The following LMX1A variants were observed in gnomAD, a reference collection of about 807,000 sequenced individuals.
LMX1A encodes the protein LIM homeobox transcription factor 1-alpha.
Under a neutral mutation model 49.1 loss-of-function variants are expected in LMX1A, and 15 were observed. The ratio of observed to expected loss-of-function variants is 0.31; its 90% CI spans 0.20 to 0.47. LMX1A has a LOEUF of 0.47. Ranked by LOEUF, LMX1A falls within the 20% of genes least tolerant of loss-of-function variation. The probability of loss-of-function intolerance (pLI) is 1.00; values close to 1 mark genes in which losing one functional copy is unlikely to be tolerated. For missense variants in LMX1A, 372 were observed against 475.8 expected (o/e 0.78, Z 2.03); for synonymous variants, 167 against 185.7 (o/e 0.90, Z 0.82).
At chr1:165,221,619 C>G (rs1451225765) in intron 4 of LMX1A, among the ~76,000 whole-genome samples, 1 of 152,140 alleles carries the variant, frequency 6.6e-6, no homozygotes, top group Non-Finnish European at 1.5e-5. Flanking sequence ...AGGGACCGGG[C>G]AGGTCAGAGG....
At chr1:165,208,752 T>G (rs1651213910) in intron 6 of LMX1A, among the ~76,000 whole-genome samples, 1 of 152,190 alleles carries the variant, frequency 6.6e-6, no homozygotes, top group African/African-American at 2.4e-5. Flanking sequence ...GTTCACGCCA[T>G]TCTCCTGCCT....
intron 3 of LMX1A, among the ~76,000 whole-genome samples, chr1:165,294,448 A>G (rs1654559580): frequency 6.6e-6 from 1 of 152,226 alleles, no homozygotes; most frequent in Non-Finnish European, 1.5e-5. Context: ...AAACAAGAAC[A>G]CTTAGCTCCT....
rs151145470 is a variant in LMX1A at position 165,212,604 on chromosome 1, T to C, written c.669+1037A>G. On this transcript the variant is annotated intron_variant, in intron 5 of 8. Transcript: ENST00000342310. ...ACATTTTTTCAAAATGTATTTCCTT[T>C]ATGAATTTCAGTAAAGAATACCCTA... Among the ~76,000 whole-genome samples, 22 of 152,312 alleles carry C rather than the reference T, an allele frequency of 1.4e-4. No individual in the cohort carries two copies. In the East Asian group the frequency reaches 4.0e-3, roughly 28 times the overall value.
At chr1:165,247,048 C>CTTTTTTTTTTTTTTTT (rs1204141626) in intron 4 of LMX1A, among the ~76,000 whole-genome samples, 1 of 21,418 alleles carries the variant, frequency 4.7e-5, no homozygotes, top group Non-Finnish European at 8.0e-5. Context: ...ATCAGATCAG[C>CTTTTTTTTTTTTTTTT]TTTTTCTTTT....
chr1:165,225,662 T>G (rs1347945385), intron 4 of LMX1A, among the ~76,000 whole-genome samples: 1 of 152,218 alleles, frequency 6.6e-6, no homozygotes, highest in Admixed American at 6.5e-5. Context: ...AATGAGCATG[T>G]CCCCAAATCA....
intron 3 of LMX1A, among the ~76,000 whole-genome samples, chr1:165,339,288 C>A (rs1005633038): frequency 6.6e-6 from 1 of 152,154 alleles, no homozygotes; most frequent in Non-Finnish European, 1.5e-5. Flanking sequence ...GTACCCACAC[C>A]CTGAACTCCC....
chr1:165,235,980 A>G (rs1652420081), intron 4 of LMX1A, among the ~76,000 whole-genome samples: 1 of 152,196 alleles, frequency 6.6e-6, no homozygotes, highest in South Asian at 2.1e-4. Context: ...GGCTTCAGGC[A>G]CTTTGCGCTC....
chr1:165,262,469 C>A lies in LMX1A; in HGVS notation c.264-12829G>T, dbSNP rs946319027. On this transcript the variant is annotated intron_variant, in intron 3 of 8. Transcript: ENST00000342310. ...CTTCCTTGGACTTCCTACTTCTGGA[C>A]TCCCTCTTCGTGAGAAAAATTAAAG... Among the ~76,000 whole-genome samples, 23 of 152,320 alleles carry A rather than the reference C, an allele frequency of 1.5e-4. 1 individual carries two copies. In the South Asian group the frequency reaches 4.4e-3, roughly 29 times the overall value.
intron 3 of LMX1A, among the ~76,000 whole-genome samples, chr1:165,288,042 G>A (rs1313295175): frequency 1.3e-5 from 2 of 152,340 alleles, no homozygotes; most frequent in East Asian, 1.9e-4. Flanking sequence ...AAATCCAGAT[G>A]AGGGGGTTTA....
chr1:165,263,020 C>T (rs978021680), intron 3 of LMX1A, among the ~76,000 whole-genome samples: 2 of 152,122 alleles, frequency 1.3e-5, no homozygotes, highest in South Asian at 4.1e-4. Context: ...TCCAGGACTG[C>T]TCACTCCTGA....
At chr1:165,307,695 C>G in intron 3 of LMX1A, among the ~76,000 whole-genome samples, 1 of 152,332 alleles carries the variant, frequency 6.6e-6, no homozygotes, top group East Asian at 1.9e-4. Flanking sequence ...CCCCTACCCA[C>G]GTCAGCTGGT....
At chr1:165,332,724 T>C (rs1185717052) in intron 3 of LMX1A, among the ~76,000 whole-genome samples, 1 of 152,224 alleles carries the variant, frequency 6.6e-6, no homozygotes, top group East Asian at 1.9e-4. Flanking sequence ...TAACAAGTAA[T>C]AAGATGGAGT....
In LMX1A at chr1:165,314,269, G is replaced by A. The variant is rs115273341; in HGVS notation, c.263+38807C>T. Among the ~76,000 whole-genome samples the A allele has an allele frequency of 2.7e-3, 412 of 152,294 alleles. 2 individuals carry two copies. The highest frequency in any genetic ancestry group is 9.6e-3 in the African/African-American group (399 of 41,560). ...GAACAAAGCAGAGAGCATGGCAAAG[G>A]GGGCCTAAGAACATCCCCCTACCCT... On this transcript the variant is annotated intron_variant, in intron 3 of 8. Coordinates refer to ENST00000342310, the MANE Select transcript of LMX1A (RefSeq NM_177398.4).
intron 3 of LMX1A, among the ~76,000 whole-genome samples, chr1:165,319,073 T>G (rs1023034272): frequency 2.0e-5 from 3 of 149,818 alleles, no homozygotes; most frequent in Admixed American, 6.7e-5. Context: ...TAGACATTCC[T>G]TAACATGATA....
chr1:165,205,966 G>C lies in LMX1A; in HGVS notation c.886C>G (p.Pro296Ala). The part of the protein sequence containing the change: ...IMNPYTALPT[P>A]QQLLAIEQSV... ...TGCTCGATGGCCAGGAGCTGCTGTG[G>C]GGTGGGCAGAGCCGTGTAGGGGTTC... is the stretch of plus-strand genomic sequence containing the variant. The change falls in exon 8 of 9, where the codon CCA becomes GCA. Residue 296 changes from proline (P) to alanine (A), a missense_variant. By Grantham distance (27) the Pro-to-Ala change is conservative. Coordinates refer to ENST00000342310, the MANE Select transcript of LMX1A (RefSeq NM_177398.4). 1 of 1,613,552 alleles carries C rather than the reference G, an allele frequency of 6.2e-7. No homozygotes were observed. Among genetic ancestry groups the C allele is most frequent in the African/African-American group, 1.3e-5 (1 of 75,006 alleles).
At chr1:165,210,207 G>A (rs956921659) in intron 6 of LMX1A, among the ~76,000 whole-genome samples, 2 of 152,202 alleles carry the variant, frequency 1.3e-5, no homozygotes, top group African/African-American at 4.8e-5. Flanking sequence ...CTAAAACCAT[G>A]ATGAGGGAAT....
chr1:165,267,665 G>A (rs989387703), intron 3 of LMX1A, among the ~76,000 whole-genome samples: 5 of 152,204 alleles, frequency 3.3e-5, no homozygotes, highest in Admixed American at 2.0e-4. Context: ...AGATGACAGA[G>A]ACTGAGAGGA....
intron 4 of LMX1A, among the ~76,000 whole-genome samples, chr1:165,222,800 A>G (rs866533916): frequency 2.6e-5 from 4 of 152,130 alleles, no homozygotes; most frequent in Admixed American, 6.5e-5. Context: ...CGAGGCCCAT[A>G]CCCAGCCGGG....
At chr1:165,217,447 G>A (rs554704268) in intron 4 of LMX1A, among the ~76,000 whole-genome samples, 1 of 152,304 alleles carries the variant, frequency 6.6e-6, no homozygotes, top group Non-Finnish European at 1.5e-5. Flanking sequence ...GGGAGGTGGT[G>A]AGCACCACAG....
Sources: gnomAD v4.1 joint callset for allele counts (sites outside exome capture counted in the v4.1 genomes callset) on GRCh38, gnomAD v4.1.1 for gene constraint, MANE v1.5 for transcripts, NCBI Gene and HGNC (gene_info 2026-07-23, HGNC 2026-07-21) for gene names.